The following CAST variants were observed in gnomAD, a reference collection of about 807,000 sequenced individuals.
CAST encodes calpastatin, also known as MIR583 host.
In CAST, 76 loss-of-function variants were observed where a neutral mutation model predicts 119.6. The ratio of observed to expected loss-of-function variants is 0.64; its 90% CI spans 0.53 to 0.77. CAST has a LOEUF of 0.77. CAST is among the 30% of genes least tolerant of loss of function. The pLI, the probability that CAST is intolerant of heterozygous loss-of-function variation, is 0.00. For missense variants in CAST, 953 were observed against 946.5 expected, an observed-to-expected ratio of 1.01 and a Z score of -0.09; for synonymous variants, 319 against 331.6, an observed-to-expected ratio of 0.96 and a Z score of 0.41.
chr5:96,416,259 G>A, the CAST span: 7 of 684,804 alleles, frequency 1.0e-5, no homozygotes, highest in East Asian at 1.4e-4. Flanking sequence ...TTTTAAATTA[G>A]TATAACATAA....
the CAST span, among the ~76,000 whole-genome samples, chr5:96,157,260 A>G: frequency 2.0e-5 from 3 of 152,198 alleles, no homozygotes; most frequent in African/African-American, 7.2e-5. Flanking sequence ...AAGCCAGTCA[A>G]CATCCACGGG....
the CAST span, among the ~76,000 whole-genome samples, chr5:96,342,649 T>C: frequency 6.6e-6 from 1 of 152,234 alleles, no homozygotes; most frequent in Non-Finnish European, 1.5e-5. Flanking sequence ...TAAGATTGAA[T>C]TGAATTCTCT....
At chr5:96,294,914 A>G in the CAST span, among the ~76,000 whole-genome samples, 1 of 152,226 alleles carries the variant, frequency 6.6e-6, no homozygotes, top group Non-Finnish European at 1.5e-5. Context: ...AGCAAGGCAT[A>G]TAATATTTGT....
rs564455722 is a variant in CAST at position 96,550,463 on chromosome 5, A to C, written c.60+20583A>C. On this transcript the variant is annotated intron_variant, in intron 1 of 11. Coordinates refer to the CAST transcript ENST00000505143. ...TAAAACCACAAAATGAGGAGAAACC[A>C]GAGCAGAAAGTCTAGAAATTCTAAA... is the stretch of plus-strand genomic sequence containing the variant. Among the ~76,000 whole-genome samples the C allele has an allele frequency of 4.6e-5, 7 of 152,386 alleles. No homozygotes were observed. In the South Asian group the frequency reaches 1.4e-3, roughly 32 times the overall value.
chr5:96,327,020 G>T, the CAST span, among the ~76,000 whole-genome samples: 41 of 152,302 alleles, frequency 2.7e-4, no homozygotes, highest in African/African-American at 8.9e-4. Context: ...GGTAAAGTTT[G>T]CCATCTATAA....
chr5:96,762,569 A>G (rs1382287270), intron 25 of CAST, 197 bp downstream of exon 25: 7 of 486,088 alleles, frequency 1.4e-5, no homozygotes, highest in Non-Finnish European at 2.6e-5. Flanking sequence ...ATGAAACTAT[A>G]TATGTGAAAA....
rs547670827 is a variant in CAST at position 96,551,130 on chromosome 5, T to A, written c.60+21250T>A. Among the ~76,000 whole-genome samples, 3 of 151,708 alleles carry A rather than the reference T, an allele frequency of 2.0e-5. No individual in the cohort carries two copies. The East Asian group carries it at 5.8e-4, about 29-fold the overall frequency. On this transcript the variant is annotated intron_variant, in intron 1 of 11. Coordinates refer to the CAST transcript ENST00000505143. ...CACATAATTGTCAGATTCACCTAGG[T>A]TGAAATGAAGAAAAAAATGTTAAGG...
the CAST span, among the ~76,000 whole-genome samples, chr5:96,023,127 T>A: frequency 6.6e-6 from 1 of 152,174 alleles, no homozygotes; most frequent in African/African-American, 2.4e-5. Flanking sequence ...ACAGATGTCA[T>A]CTCTTGTCCT....
At chr5:96,507,549 G>A in the CAST span, among the ~76,000 whole-genome samples, 6 of 152,238 alleles carry the variant, frequency 3.9e-5, no homozygotes, top group East Asian at 3.9e-4. Context: ...ACTCCTTAGC[G>A]TTGTTGAGCC....
intron 3 of CAST, among the ~76,000 whole-genome samples, chr5:96,707,282 ACT>A (rs980238412): frequency 3.3e-5 from 5 of 151,872 alleles, no homozygotes; most frequent in African/African-American, 4.8e-5. Flanking sequence ...CCTTTACAAC[ACT>A]CTGTTTTTTA....
At chr5:96,246,432 G>A in the CAST span, among the ~76,000 whole-genome samples, 1 of 151,996 alleles carries the variant, frequency 6.6e-6, no homozygotes, top group African/African-American at 2.4e-5. Context: ...TGATCTGCCC[G>A]CCTCAGCTCC....
chr5:96,597,918 G>A (rs1371313985), intron 1 of CAST, among the ~76,000 whole-genome samples: 2 of 149,324 alleles, frequency 1.3e-5, no homozygotes, highest in Non-Finnish European at 3.0e-5. Context: ...AAGAAAGGGG[G>A]AGAGAAAAAT....
At chr5:96,195,029 C>T in the CAST span, among the ~76,000 whole-genome samples, 1 of 152,172 alleles carries the variant, frequency 6.6e-6, no homozygotes, top group Non-Finnish European at 1.5e-5. Context: ...GTGGGGGACC[C>T]GAAAGCTATA....
Position 96,737,829 on chromosome 5 carries a change from A to G in CAST, c.700-20A>G, listed in dbSNP as rs756550676. 17 of 1,332,670 alleles carry G rather than the reference A, an allele frequency of 1.3e-5. No individual in the cohort carries two copies. The African/African-American group carries it at 2.3e-4, about 18-fold the overall frequency. The allele number at this position is 1,332,670 out of a possible 1,614,324, so 82.6% of individuals were successfully genotyped here. A position where few individuals can be genotyped will look rare whatever the true frequency, so the allele number is the denominator to read the frequency against. On this transcript the variant is annotated intron_variant, in intron 10 of 31. Transcript: ENST00000675179. The stretch of plus-strand genomic sequence containing the variant: ...TATGTATAACAAATAACATTTAAAT[A>G]TCTGTTCTTTCTTTTCCAGTCAGGC...
the CAST span, among the ~76,000 whole-genome samples, chr5:96,330,093 C>T: frequency 2.6e-5 from 4 of 152,212 alleles, no homozygotes; most frequent in African/African-American, 9.6e-5. Flanking sequence ...GAGTCAGGAA[C>T]ACCTTGTCAT....
At chr5:96,177,667 C>G in the CAST span, among the ~76,000 whole-genome samples, 1 of 152,262 alleles carries the variant, frequency 6.6e-6, no homozygotes, top group East Asian at 1.9e-4. Flanking sequence ...ACCGGTTTTT[C>G]TTTGGTTAAT....
chr5:96,167,897 G>A, the CAST span, among the ~76,000 whole-genome samples: 8 of 152,252 alleles, frequency 5.3e-5, no homozygotes, highest in East Asian at 5.8e-4. Flanking sequence ...GTGGGTGGGG[G>A]GGCCTGAACA....
chr5:96,654,027 C>CTTTTTTTT (rs71617134), intron 1 of CAST, among the ~76,000 whole-genome samples: 2 of 126,960 alleles, frequency 1.6e-5, no homozygotes, highest in Admixed American at 7.7e-5. Flanking sequence ...CTTTTCTTTT[C>CTTTTTTTT]TTTTTTTTTT....
intron 1 of CAST, among the ~76,000 whole-genome samples, chr5:96,628,283 G>A (rs551602921): frequency 2.0e-5 from 3 of 152,326 alleles, no homozygotes; most frequent in Non-Finnish European, 4.4e-5. Context: ...TGGCCAAAAT[G>A]TTTGGTATTC....
Sources: gnomAD v4.1 joint callset for allele counts (sites outside exome capture counted in the v4.1 genomes callset) on GRCh38, gnomAD v4.1.1 for gene constraint, MANE v1.5 for transcripts, NCBI Gene and HGNC (gene_info 2026-07-23, HGNC 2026-07-21) for gene names.